The following VIT variants were observed in gnomAD, a reference collection of about 807,000 sequenced individuals.
The protein encoded by VIT is vitrin.
VIT carries 99 observed loss-of-function variants against 78.0 expected under a neutral mutation model. The ratio of observed to expected loss-of-function variants is 1.27; its 90% CI spans 1.08 to 1.50. The LOEUF is 1.50. VIT is among the 40% of genes most tolerant of loss of function. VIT has a pLI of 0.00. For missense variants in VIT, 1,126 were observed against 875.3 expected (o/e 1.29, Z -3.61); for synonymous variants, 374 against 334.3 (o/e 1.12, Z -1.29).
chr2:36,770,734 T>TA (rs1242244799), intron 7 of VIT, among the ~76,000 whole-genome samples: 1 of 152,226 alleles, frequency 6.6e-6, no homozygotes, highest in Non-Finnish European at 1.5e-5. Context: ...GCTACAGGTC[T>TA]GGGTGAATCT....
chr2:36,783,272 C>T (rs1245489248), intron 10 of VIT, 68 bp from the exon 11 acceptor site: 1 of 1,544,188 alleles, frequency 6.5e-7, no homozygotes, highest in Non-Finnish European at 8.9e-7. Flanking sequence ...ATTATGTCCC[C>T]TCCCATGGGG....
chr2:36,773,247 A>T (rs977618589), intron 7 of VIT, among the ~76,000 whole-genome samples: 2 of 152,170 alleles, frequency 1.3e-5, no homozygotes, highest in African/African-American at 2.4e-5. Flanking sequence ...TAAAAGATAG[A>T]TACTTTGATA....
intron 1 of VIT, among the ~76,000 whole-genome samples, chr2:36,707,864 A>G (rs1665533492): frequency 6.6e-6 from 1 of 151,726 alleles, no homozygotes; most frequent in Non-Finnish European, 1.5e-5. Flanking sequence ...CTTTAGGAAA[A>G]AAAAAAAAAA....
intron 15 of VIT, among the ~76,000 whole-genome samples, chr2:36,810,410 G>A (rs11124547): frequency 0.17 from 26,299 of 152,160 alleles, 4,824 homozygotes; most frequent in African/African-American, 0.47. Flanking sequence ...AATCAGCCAC[G>A]TTTATGCCTT....
chr2:36,702,221 T>C (rs12619567), intron 1 of VIT, among the ~76,000 whole-genome samples: 72,575 of 151,788 alleles, frequency 0.48, 17,521 homozygotes, highest in Admixed American at 0.55. Context: ...GAGGCCAGTG[T>C]GTCTGCAGCA....
rs771589743 is a variant in VIT at position 36,755,047 on chromosome 2, C to T, written c.402C>T (p.Ile134=). 19 of 1,613,974 alleles carry T rather than the reference C, an allele frequency of 1.2e-5. No homozygotes were observed. Among genetic ancestry groups the T allele is most frequent in the Middle Eastern group, 1.6e-4 (1 of 6,062 alleles). ...LSLPRWRESF[I]VLESKPKKGV... is the part of the protein sequence containing the mutation. ...TACCACGATGGAGAGAATCCTTTAT[C>T]GTCTTAGGTATGACCACACACTGGA... Residue 134 remains isoleucine, a synonymous_variant, in exon 5 of 16, where the codon ATC becomes ATT. Transcript: ENST00000379242.
At chr2:36,780,003 G>A (rs536000666) in intron 9 of VIT, among the ~76,000 whole-genome samples, 2 of 152,264 alleles carry the variant, frequency 1.3e-5, no homozygotes, top group African/African-American at 2.4e-5. Flanking sequence ...GGCTTCTGAT[G>A]TCTTTTCTTG....
chr2:36,776,614 C>T (rs1001604542), intron 9 of VIT, among the ~76,000 whole-genome samples: 6 of 151,706 alleles, frequency 4.0e-5, no homozygotes, highest in African/African-American at 1.5e-4. Flanking sequence ...GAGTTTGGCC[C>T]ACATAGTGAG....
intron 3 of VIT, among the ~76,000 whole-genome samples, chr2:36,736,296 A>T (rs1572443308): frequency 6.6e-6 from 1 of 152,328 alleles, no homozygotes; most frequent in East Asian, 1.9e-4. Flanking sequence ...TACCTTATAC[A>T]TTTTAAGGAT....
intron 11 of VIT, 103 bp downstream of exon 11, chr2:36,783,505 T>G: frequency 8.8e-7 from 1 of 1,139,408 alleles, no homozygotes; most frequent in Non-Finnish European, 1.3e-6. Context: ...TCTCCTACCG[T>G]GGATCTATTT....
intron 2 of VIT, among the ~76,000 whole-genome samples, chr2:36,723,988 A>T: frequency 7.0e-6 from 1 of 142,474 alleles, no homozygotes; most frequent in African/African-American, 2.6e-5. Flanking sequence ...GAGGGGGGGG[A>T]TTATTTATGT....
At chr2:36,798,619 C>T (rs1194295460) in intron 12 of VIT, among the ~76,000 whole-genome samples, 2 of 151,996 alleles carry the variant, frequency 1.3e-5, no homozygotes, top group African/African-American at 4.8e-5. Flanking sequence ...ATAAGCCAGG[C>T]ATGGTGAAAG....
At chr2:36,794,796 A>G (rs777903423) in intron 12 of VIT, among the ~76,000 whole-genome samples, 9 of 152,220 alleles carry the variant, frequency 5.9e-5, no homozygotes, top group Non-Finnish European at 1.2e-4. Context: ...TAAATGTGGT[A>G]GAGGTTCTGT....
At chr2:36,766,687 A>G (rs1192893375) in intron 6 of VIT, among the ~76,000 whole-genome samples, 2 of 152,246 alleles carry the variant, frequency 1.3e-5, no homozygotes, top group African/African-American at 2.4e-5. Context: ...AGACTAGGTC[A>G]TAATGAAAGC....
At chr2:36,744,821 T>A (rs937700803) in intron 4 of VIT, among the ~76,000 whole-genome samples, 1 of 152,192 alleles carries the variant, frequency 6.6e-6, no homozygotes, top group Non-Finnish European at 1.5e-5. Context: ...TTAGTTTAAT[T>A]AGATCCTGCT....
intron 8 of VIT, chr2:36,774,657 A>C: frequency 1.0e-6 from 1 of 985,410 alleles, no homozygotes; most frequent in Non-Finnish European, 1.2e-6. Flanking sequence ...AGCAGCTTCT[A>C]TGAGCTTCAC....
chr2:36,698,023 G>A (rs1329308457), intron 1 of VIT, among the ~76,000 whole-genome samples: 1 of 152,214 alleles, frequency 6.6e-6, no homozygotes, highest in Non-Finnish European at 1.5e-5. Context: ...CTCTCTATGT[G>A]TGTTAGCTGC....
intron 7 of VIT, among the ~76,000 whole-genome samples, chr2:36,768,734 A>AG (rs1365383228): frequency 6.6e-6 from 1 of 152,194 alleles, no homozygotes; most frequent in Non-Finnish European, 1.5e-5. Context: ...GCCCAGGCAG[A>AG]GCACATTTTG....
chr2:36,764,278 T>C (rs1048707694), intron 6 of VIT, among the ~76,000 whole-genome samples: 1 of 152,216 alleles, frequency 6.6e-6, no homozygotes, highest in Non-Finnish European at 1.5e-5. Context: ...ATTAATTACA[T>C]CCTATTTCAT....
Sources: gnomAD v4.1 joint callset for allele counts (sites outside exome capture counted in the v4.1 genomes callset) on GRCh38, gnomAD v4.1.1 for gene constraint, MANE v1.5 for transcripts, NCBI Gene and HGNC (gene_info 2026-07-23, HGNC 2026-07-21) for gene names.